The following MCU variants were observed in gnomAD, a reference collection of about 807,000 sequenced individuals.
MCU encodes the protein mitochondrial calcium uniporter.
MCU carries 12 observed loss-of-function variants against 45.2 expected under a neutral mutation model. That is an observed-to-expected ratio of 0.27 (90% CI 0.17 to 0.43). MCU has a LOEUF of 0.43. Among genes scored for constraint, MCU ranks in the 20% least tolerant of loss-of-function variants. The pLI, the probability that MCU is intolerant of heterozygous loss-of-function variation, is 1.00. For synonymous variants in MCU, 160 were observed against 165.1 expected, an observed-to-expected ratio of 0.97 and a Z score of 0.24; for missense variants, 324 against 436.7, an observed-to-expected ratio of 0.74 and a Z score of 2.30.
At chr10:72,842,365 A>C (rs986316580) in intron 2 of MCU, among the ~76,000 whole-genome samples, 1 of 152,216 alleles carries the variant, frequency 6.6e-6, no homozygotes, top group Non-Finnish European at 1.5e-5. Flanking sequence ...TGTATTGAGT[A>C]GTGTTATGAA....
At chr10:72,714,148 G>C (rs540959970) in intron 1 of MCU, among the ~76,000 whole-genome samples, 2 of 151,464 alleles carry the variant, frequency 1.3e-5, no homozygotes, top group Non-Finnish European at 2.9e-5. Flanking sequence ...TGTATTTTTA[G>C]TAGCGATGGG....
At chr10:72,716,513 C>T (rs993639385) in intron 1 of MCU, among the ~76,000 whole-genome samples, 1 of 152,096 alleles carries the variant, frequency 6.6e-6, no homozygotes, top group Non-Finnish European at 1.5e-5. Flanking sequence ...TCTCATTTCT[C>T]TTTCTCTTTT....
intron 1 of MCU, among the ~76,000 whole-genome samples, chr10:72,699,653 G>A (rs1426571282): frequency 6.7e-6 from 1 of 150,352 alleles, no homozygotes; most frequent in Admixed American, 6.6e-5. Flanking sequence ...GTGCAGTGGC[G>A]CTATCTCTGC....
intron 1 of MCU, among the ~76,000 whole-genome samples, chr10:72,709,436 T>A (rs1842862746): frequency 6.6e-6 from 1 of 152,236 alleles, no homozygotes; most frequent in Non-Finnish European, 1.5e-5. Context: ...CATTTGCTTT[T>A]GATGGAATTA....
At chr10:72,858,899 C>T (rs1040676047) in intron 2 of MCU, among the ~76,000 whole-genome samples, 2 of 152,146 alleles carry the variant, frequency 1.3e-5, no homozygotes, top group African/African-American at 2.4e-5. Context: ...AAGAACTTCA[C>T]CTGATATCCT....
At chr10:72,792,342 T>C (rs1844174315) in intron 1 of MCU, among the ~76,000 whole-genome samples, 2 of 152,200 alleles carry the variant, frequency 1.3e-5, no homozygotes, top group African/African-American at 2.4e-5. Flanking sequence ...TTACAGATCA[T>C]AGGTAGAGTC....
chr10:72,781,642 G>A (rs756726117), intron 1 of MCU, among the ~76,000 whole-genome samples: 4 of 152,224 alleles, frequency 2.6e-5, no homozygotes, highest in Non-Finnish European at 4.4e-5. Context: ...CTGAGAATCA[G>A]TTGAGGCTTA....
At position 72,868,852 on chromosome 10, in the gene MCU, C is replaced by A. The variant is rs766921426; in HGVS notation, c.646C>A (p.Pro216Thr). The A allele has an allele frequency of 2.5e-6, 4 of 1,613,088 alleles. No homozygotes were observed. The highest frequency in any genetic ancestry group is 1.7e-5 in the Admixed American group (1 of 59,646). ...RLEDLKEQLA[P>T]LEKVRIEISR... ...AGAGGATCTCAAAGAGCAGCTGGCT[C>A]CCCTGGAAAAGGTAAAACTTCCAAT... The change falls in exon 5 of 8, where the codon CCC becomes ACC. Residue 216 changes from proline to threonine, a missense_variant. By Grantham distance (38) the Pro-to-Thr change is conservative (BLOSUM62 -1). Transcript: ENST00000373053.
At chr10:72,876,203 A>G (rs1430643163) in intron 6 of MCU, among the ~76,000 whole-genome samples, 2 of 152,208 alleles carry the variant, frequency 1.3e-5, no homozygotes, top group African/African-American at 4.8e-5. Flanking sequence ...TGTCCCACTT[A>G]TAATATAAAT....
At chr10:72,826,212 A>T (rs1367947243) in intron 1 of MCU, among the ~76,000 whole-genome samples, 2 of 152,156 alleles carry the variant, frequency 1.3e-5, no homozygotes, top group African/African-American at 4.8e-5. Context: ...CTCCCAGGTG[A>T]TGCTGATGCC....
intron 1 of MCU, among the ~76,000 whole-genome samples, chr10:72,702,124 C>T (rs1044893378): frequency 5.3e-5 from 8 of 150,568 alleles, no homozygotes; most frequent in South Asian, 2.1e-4. Flanking sequence ...GGGAGGGGGG[C>T]GCCATAATTC....
At chr10:72,813,846 A>G (rs1844584637) in intron 1 of MCU, among the ~76,000 whole-genome samples, 2 of 152,124 alleles carry the variant, frequency 1.3e-5, no homozygotes, top group Non-Finnish European at 2.9e-5. Flanking sequence ...CGATTGTTGT[A>G]AACAATTTGC....
chr10:72,864,249 C>T (rs902616854), intron 4 of MCU, among the ~76,000 whole-genome samples: 1 of 152,078 alleles, frequency 6.6e-6, no homozygotes, highest in Admixed American at 6.5e-5. Context: ...TTGTCTATTG[C>T]AGTAAAAATT....
At chr10:72,832,199 G>T (rs1589485217) in intron 1 of MCU, among the ~76,000 whole-genome samples, 2 of 152,080 alleles carry the variant, frequency 1.3e-5, no homozygotes, top group South Asian at 4.1e-4. Flanking sequence ...CTCCCAAAGT[G>T]CTGTGATTAC....
intron 1 of MCU, among the ~76,000 whole-genome samples, chr10:72,694,906 C>T (rs1357973287): frequency 1.3e-5 from 2 of 152,294 alleles, no homozygotes; most frequent in African/African-American, 4.8e-5. Context: ...TCTCTTCCCC[C>T]TTCTCCATTA....
intron 6 of MCU, among the ~76,000 whole-genome samples, chr10:72,877,830 A>G (rs1314355224): frequency 6.6e-6 from 1 of 152,198 alleles, no homozygotes; most frequent in East Asian, 1.9e-4. Flanking sequence ...ATTGGTGTCT[A>G]ATGATCACTA....
Position 72,863,563 on chromosome 10 carries a change from C to A in MCU, c.496+3036C>A, listed in dbSNP as rs182555431. On this transcript the variant is annotated intron_variant, in intron 4 of 7. Transcript: ENST00000373053. ...CACATAACCTAGAAATATCCAAAAA[C>A]ATTAAGAAAAGTATGTCATGAATGC... Among the ~76,000 whole-genome samples the A allele has an allele frequency of 5.9e-3, 903 of 152,278 alleles. 12 individuals are homozygous for A. The highest frequency in any genetic ancestry group is 0.02 in the African/African-American group (851 of 41,540).
intron 1 of MCU, among the ~76,000 whole-genome samples, chr10:72,785,795 A>G (rs190005798): frequency 1.5e-4 from 23 of 152,352 alleles, no homozygotes; most frequent in South Asian, 1.5e-3. Flanking sequence ...TTTAGTGTCA[A>G]TTGTCAATGT....
At chr10:72,835,355 T>G (rs1397008845) in intron 2 of MCU, among the ~76,000 whole-genome samples, 2 of 152,218 alleles carry the variant, frequency 1.3e-5, no homozygotes, top group Admixed American at 1.3e-4. Context: ...TTAGGTTGCT[T>G]AGTTTAGGGG....
Sources: allele counts gnomAD v4.1 joint callset (sites outside exome capture counted in the v4.1 genomes callset), GRCh38; gene constraint gnomAD v4.1.1; transcripts MANE v1.5; gene names NCBI Gene and HGNC (gene_info 2026-07-23, HGNC 2026-07-21).